TCF4: variants seen among roughly 807,000 people sequenced by gnomAD.
TCF4 encodes SL3-3 enhancer factor 2.
A neutral mutation model predicts 82.1 loss-of-function variants in TCF4; 3 were observed. The observed-to-expected ratio is 0.04, with a 90% confidence interval of 0.02 to 0.09. TCF4 has a LOEUF of 0.09. Ranked by LOEUF, TCF4 falls within the 10% of genes least tolerant of loss-of-function variation. The probability of loss-of-function intolerance (pLI) is 1.00; values close to 1 mark genes in which losing one functional copy is unlikely to be tolerated. For missense variants in TCF4, 518 were observed against 852.7 expected (o/e 0.61, Z 4.89); for synonymous variants, 276 against 309.6 (o/e 0.89, Z 1.14).
chr18:55,345,479 T>A (rs2080988100), intron 8 of TCF4, among the ~76,000 whole-genome samples: 1 of 152,198 alleles, frequency 6.6e-6, no homozygotes, highest in Admixed American at 6.6e-5. Context: ...GATGACTTAA[T>A]TGTGCCACTC....
chr18:55,316,944 A>G (rs1397225029), intron 8 of TCF4, among the ~76,000 whole-genome samples: 2 of 151,944 alleles, frequency 1.3e-5, no homozygotes, highest in Non-Finnish European at 2.9e-5. Context: ...ACTGATCCAT[A>G]TTTTTTCCCT....
At chr18:55,261,979 C>T (rs927335174) in intron 11 of TCF4, among the ~76,000 whole-genome samples, 3 of 152,126 alleles carry the variant, frequency 2.0e-5, no homozygotes, top group East Asian at 1.9e-4. Flanking sequence ...ACGGGGTATT[C>T]GTCTCACAGT....
intron 6 of TCF4, among the ~76,000 whole-genome samples, chr18:55,396,525 G>GC (rs2093501581): frequency 6.6e-6 from 1 of 152,082 alleles, no homozygotes; most frequent in Non-Finnish European, 1.5e-5. Flanking sequence ...CCCTCGAGTC[G>GC]GCCAGTCAAC....
intron 5 of TCF4, among the ~76,000 whole-genome samples, chr18:55,450,566 A>G (rs1019651297): frequency 2.0e-5 from 3 of 152,226 alleles, no homozygotes; most frequent in Non-Finnish European, 2.9e-5. Context: ...TCGGATTCAA[A>G]AACTCTTAAG....
At chr18:55,447,296 C>CA (rs34577882) in intron 5 of TCF4, among the ~76,000 whole-genome samples, 25 of 144,174 alleles carry the variant, frequency 1.7e-4, no homozygotes, top group African/African-American at 3.9e-4. Context: ...GAGACCGTCT[C>CA]AAAAAAAAAA....
intron 5 of TCF4, among the ~76,000 whole-genome samples, chr18:55,424,363 G>A (rs2094898006): frequency 6.6e-6 from 1 of 152,034 alleles, no homozygotes; most frequent in African/African-American, 2.4e-5. Context: ...ACTCATCCAG[G>A]AATCACTGAA....
chr18:55,600,292 C>T (rs1331519107), intron 2 of TCF4, among the ~76,000 whole-genome samples: 1 of 152,116 alleles, frequency 6.6e-6, no homozygotes, highest in Non-Finnish European at 1.5e-5. Flanking sequence ...TAGTAGACAC[C>T]AGCAAACTGT....
intron 8 of TCF4, among the ~76,000 whole-genome samples, chr18:55,328,282 A>G (rs1206124418): frequency 1.3e-5 from 2 of 152,084 alleles, no homozygotes; most frequent in East Asian, 1.9e-4. Flanking sequence ...ACATCTGAAG[A>G]CTAGATGTGA....
intron 14 of TCF4, among the ~76,000 whole-genome samples, chr18:55,256,936 A>C (rs2056982111): frequency 6.6e-6 from 1 of 152,192 alleles, no homozygotes; most frequent in Admixed American, 6.6e-5. Flanking sequence ...TATTCTGGAA[A>C]GTAAAGCAGA....
intron 8 of TCF4, among the ~76,000 whole-genome samples, chr18:55,343,462 T>C (rs536339898): frequency 2.3e-4 from 35 of 152,272 alleles, no homozygotes; most frequent in African/African-American, 6.7e-4. Flanking sequence ...GATGACAAAG[T>C]CAGACAAGAG....
chr18:55,588,243 G>T (rs1603624932), upstream of TCF4: 13 of 1,415,238 alleles, frequency 9.2e-6, no homozygotes, highest in Non-Finnish European at 1.2e-5. Context: ...CTTCTCCGGG[G>T]AGGGGAGGGG....
chr18:55,603,450 A>C (rs1306044384), intron 2 of TCF4, among the ~76,000 whole-genome samples: 1 of 152,204 alleles, frequency 6.6e-6, no homozygotes, highest in Admixed American at 6.5e-5. Flanking sequence ...ATTGTTACTT[A>C]AGAATTAAGT....
chr18:55,292,973 G>A (rs2065466386), intron 8 of TCF4, among the ~76,000 whole-genome samples: 2 of 152,178 alleles, frequency 1.3e-5, no homozygotes, highest in South Asian at 2.1e-4. Context: ...AGAAGTAGGG[G>A]GATAGGAAGG....
At chr18:55,297,763 CAACAAAAAAAGAAGCA>C (rs1210273070) in intron 8 of TCF4, among the ~76,000 whole-genome samples, 1 of 150,954 alleles carries the variant, frequency 6.6e-6, no homozygotes, top group Non-Finnish European at 1.5e-5. Context: ...AAAACAAAAA[CAACAAAAAAAGAAGCA>C]AACAAAAAAA....
intron 5 of TCF4, among the ~76,000 whole-genome samples, chr18:55,435,539 A>G (rs2095310965): frequency 6.6e-6 from 1 of 152,218 alleles, no homozygotes; most frequent in African/African-American, 2.4e-5. Context: ...CTGAGTATGT[A>G]TTTGCAGAAT....
intron 8 of TCF4, chr18:55,320,886 A>C (rs2075320675): frequency 1.3e-5 from 2 of 152,644 alleles, no homozygotes; most frequent in Non-Finnish European, 2.9e-5. Context: ...AAGGAAAAAA[A>C]AAATAAACCT....
chr18:55,413,063 T>C (rs1195120559), intron 5 of TCF4, among the ~76,000 whole-genome samples: 2 of 152,122 alleles, frequency 1.3e-5, no homozygotes, highest in Admixed American at 1.3e-4. Flanking sequence ...AACAAGAATA[T>C]AACAATGTTC....
chr18:55,585,395 T>C (rs748605769), intron 2 of TCF4, 43 bp from the exon 3 acceptor site: 2 of 1,543,402 alleles, frequency 1.3e-6, no homozygotes, highest in Admixed American at 3.3e-5. Flanking sequence ...AGAAGACACT[T>C]GTGCCTTCAG....
intron 1 of TCF4, chr18:55,631,396 G>A (rs1382259878): frequency 6.5e-7 from 1 of 1,546,390 alleles, no homozygotes; most frequent in African/African-American, 1.4e-5. Flanking sequence ...TTGCTGCAGG[G>A]TGGAGAAAAG....
Sources: gnomAD v4.1 joint callset for allele counts (sites outside exome capture counted in the v4.1 genomes callset) on GRCh38, gnomAD v4.1.1 for gene constraint, MANE v1.5 for transcripts, NCBI Gene and HGNC (gene_info 2026-07-23, HGNC 2026-07-21) for gene names.